The following TMTC2 variants were observed in gnomAD, a reference collection of about 807,000 sequenced individuals.
TMTC2 encodes the protein transmembrane O-mannosyltransferase targeting cadherins 2.
Under a neutral mutation model 82.4 loss-of-function variants are expected in TMTC2, and 43 were observed. The ratio of observed to expected loss-of-function variants is 0.52; its 90% confidence interval spans 0.41 to 0.67. The LOEUF is 0.67. Ranked by LOEUF, TMTC2 falls within the 30% of genes least tolerant of loss-of-function variation. The pLI is 0.00. For missense variants in TMTC2, 919 were observed against 1,012.4 expected, an observed-to-expected ratio of 0.91 and a Z score of 1.25; for synonymous variants, 408 against 381.9, an observed-to-expected ratio of 1.07 and a Z score of -0.80.
intron 1 of TMTC2, among the ~76,000 whole-genome samples, chr12:82,727,700 A>C (rs984761404): frequency 6.6e-6 from 1 of 151,780 alleles, no homozygotes; most frequent in Non-Finnish European, 1.5e-5. Flanking sequence ...CAGCGTGGGC[A>C]ACAGAGTGAG....
chr12:82,984,328 T>G lies in TMTC2; in HGVS notation c.1949-1597T>G, dbSNP rs149506432. ...TGTGAGTGGGTAAAAATGTGTATTT[T>G]TATGCATACTATGTATTATTTGTCA... On this transcript the variant is annotated intron_variant, in intron 7 of 11. Transcript: ENST00000321196. Among the ~76,000 whole-genome samples the G allele has an allele frequency of 1.8e-3, 274 of 152,276 alleles. 1 individual carries two copies. Among genetic ancestry groups the G allele is most frequent in the African/African-American group, 6.1e-3 (255 of 41,566 alleles).
intron 8 of TMTC2, among the ~76,000 whole-genome samples, chr12:83,002,860 GAGA>G (rs1322880686): frequency 6.6e-6 from 1 of 151,850 alleles, no homozygotes; most frequent in Non-Finnish European, 1.5e-5. Context: ...ATGTGCAGAT[GAGA>G]AGATTATATA....
At chr12:83,016,490 A>C (rs1592695909) in intron 8 of TMTC2, among the ~76,000 whole-genome samples, 1 of 152,212 alleles carries the variant, frequency 6.6e-6, no homozygotes, top group Non-Finnish European at 1.5e-5. Context: ...TTTAAGTATA[A>C]TCTTCAATTT....
At chr12:82,799,536 A>C (rs1369753773) in intron 1 of TMTC2, among the ~76,000 whole-genome samples, 1 of 152,048 alleles carries the variant, frequency 6.6e-6, no homozygotes, top group Non-Finnish European at 1.5e-5. Context: ...TTTCTTCTTC[A>C]AGTTCTGGAG....
At chr12:82,710,956 G>A (rs2136912971) in intron 1 of TMTC2, among the ~76,000 whole-genome samples, 1 of 152,278 alleles carries the variant, frequency 6.6e-6, no homozygotes, top group East Asian at 1.9e-4. Context: ...ATAGCCTCTG[G>A]TCTCAAGGAT....
chr12:82,971,642 T>C (rs781048108), intron 7 of TMTC2, among the ~76,000 whole-genome samples: 17 of 152,098 alleles, frequency 1.1e-4, no homozygotes, highest in Non-Finnish European at 1.6e-4. Context: ...GCTTTCTCAA[T>C]GCAGAGTAAT....
At chr12:82,731,227 G>C (rs1380439035) in intron 1 of TMTC2, among the ~76,000 whole-genome samples, 1 of 152,254 alleles carries the variant, frequency 6.6e-6, no homozygotes, top group East Asian at 1.9e-4. Flanking sequence ...GCTGTGTAAT[G>C]TGTAGCACAA....
At chr12:83,053,503 G>A (rs948239375) in intron 10 of TMTC2, among the ~76,000 whole-genome samples, 3 of 152,026 alleles carry the variant, frequency 2.0e-5, no homozygotes, top group African/African-American at 7.2e-5. Flanking sequence ...ATCTATAAAT[G>A]GGGGGAGGGG....
chr12:82,999,063 A>G (rs985530030), intron 8 of TMTC2, among the ~76,000 whole-genome samples: 5 of 152,184 alleles, frequency 3.3e-5, no homozygotes, highest in Admixed American at 6.6e-5. Flanking sequence ...ACTAAAGTCC[A>G]TATTTTATCC....
chr12:82,997,221 C>CTCTCTCTATA (rs1451262969), intron 8 of TMTC2, among the ~76,000 whole-genome samples: 1 of 118,512 alleles, frequency 8.4e-6, no homozygotes, highest in African/African-American at 3.7e-5. Flanking sequence ...CTCTCTCTCT[C>CTCTCTCTATA]TATATATATA....
At chr12:83,129,138 C>T (rs1023441517) in intron 11 of TMTC2, among the ~76,000 whole-genome samples, 1 of 151,980 alleles carries the variant, frequency 6.6e-6, no homozygotes, top group Non-Finnish European at 1.5e-5. Flanking sequence ...CTAAAATAGC[C>T]ATTTATATTT....
At chr12:82,955,080 T>A (rs952335637) in intron 4 of TMTC2, among the ~76,000 whole-genome samples, 2 of 152,218 alleles carry the variant, frequency 1.3e-5, no homozygotes, top group African/African-American at 4.8e-5. Flanking sequence ...GAAATTCTAA[T>A]CAGGGTTTTT....
intron 7 of TMTC2, among the ~76,000 whole-genome samples, chr12:82,975,889 C>CTT (rs755150255): frequency 4.8e-5 from 5 of 104,972 alleles, no homozygotes; most frequent in African/African-American, 1.6e-4. Context: ...CTGGTATAAA[C>CTT]TTTTTTTTAA....
intron 8 of TMTC2, among the ~76,000 whole-genome samples, chr12:82,989,857 C>A (rs1299283130): frequency 3.3e-5 from 5 of 151,724 alleles, no homozygotes; most frequent in African/African-American, 1.2e-4. Context: ...CCCACCAAGA[C>A]TTTTATAGTT....
At chr12:82,706,438 A>G (rs1441664181) in intron 1 of TMTC2, among the ~76,000 whole-genome samples, 1 of 151,486 alleles carries the variant, frequency 6.6e-6, no homozygotes, top group Non-Finnish European at 1.5e-5. Flanking sequence ...GGATGGAGGG[A>G]GGGAGAGAAG....
At chr12:82,801,271 C>G (rs1878983235) in intron 1 of TMTC2, among the ~76,000 whole-genome samples, 1 of 152,154 alleles carries the variant, frequency 6.6e-6, no homozygotes, top group Admixed American at 6.5e-5. Flanking sequence ...GTTCTTTCCT[C>G]CCGGTGGGTT....
intron 1 of TMTC2, among the ~76,000 whole-genome samples, chr12:82,708,546 A>T (rs11614435): frequency 0.11 from 16,142 of 152,114 alleles, 987 homozygotes; most frequent in East Asian, 0.23. Context: ...ATCCTATCTG[A>T]GTGTGCTGGC....
At chr12:82,909,187 T>A (rs1212951718) in intron 3 of TMTC2, among the ~76,000 whole-genome samples, 1 of 152,242 alleles carries the variant, frequency 6.6e-6, no homozygotes, top group African/African-American at 2.4e-5. Flanking sequence ...TTCAGGCAGA[T>A]CACAGTTTAT....
At chr12:82,985,515 G>A (rs1020642518) in intron 7 of TMTC2, among the ~76,000 whole-genome samples, 5 of 151,962 alleles carry the variant, frequency 3.3e-5, no homozygotes, top group Non-Finnish European at 5.9e-5. Flanking sequence ...CCTTTATAAG[G>A]CTTTCCACTT....
Sources: gnomAD v4.1 joint callset for allele counts (sites outside exome capture counted in the v4.1 genomes callset) on GRCh38, gnomAD v4.1.1 for gene constraint, MANE v1.5 for transcripts, NCBI Gene and HGNC (gene_info 2026-07-23, HGNC 2026-07-21) for gene names.